PLCL1: variants seen among roughly 807,000 people sequenced by gnomAD.
PLCL1 encodes the protein phospholipase C like 1 (inactive).
PLCL1 carries 41 observed loss-of-function variants against 84.4 expected under a neutral mutation model. That is an observed-to-expected ratio of 0.49 (90% CI 0.38 to 0.63). The LOEUF is 0.63. Among genes scored for constraint, PLCL1 ranks in the 30% least tolerant of loss-of-function variants. The pLI is 0.00. For missense variants in PLCL1, 1,206 were observed against 1,367.8 expected, an observed-to-expected ratio of 0.88 and a Z score of 1.87; for synonymous variants, 490 against 488.3, an observed-to-expected ratio of 1.00 and a Z score of -0.05.
chr2:197,831,345 G>GA (rs201046689), intron 1 of PLCL1, among the ~76,000 whole-genome samples: 2 of 148,938 alleles, frequency 1.3e-5, no homozygotes, highest in East Asian at 2.0e-4. Flanking sequence ...AAATGGAAAG[G>GA]AAAAAAAAAG....
intron 1 of PLCL1, among the ~76,000 whole-genome samples, chr2:198,038,622 G>A (rs1691595272): frequency 6.6e-6 from 1 of 152,026 alleles, no homozygotes; most frequent in Non-Finnish European, 1.5e-5. Flanking sequence ...AGAATTTTTA[G>A]CATCTGTACT....
chr2:198,039,953 G>T (rs987178225), intron 1 of PLCL1, among the ~76,000 whole-genome samples: 1 of 152,306 alleles, frequency 6.6e-6, no homozygotes, highest in East Asian at 1.9e-4. Flanking sequence ...GCAAACATAT[G>T]TCTTAACCTA....
intron 1 of PLCL1, among the ~76,000 whole-genome samples, chr2:197,866,917 G>T (rs1687561177): frequency 6.6e-6 from 1 of 152,134 alleles, no homozygotes; most frequent in African/African-American, 2.4e-5. Flanking sequence ...ATCATCGTTT[G>T]GGAATTCTCA....
In PLCL1 at chr2:198,089,069, A is replaced by G. The variant is rs41270239; in HGVS notation, c.2919+8A>G. 6.2e-3 allele frequency: 9,949 copies of G among 1,606,608 alleles called. 30 individuals carry two copies. The highest frequency in any genetic ancestry group is 7.6e-3 in the Non-Finnish European group (8,894 of 1,173,274). ...CTGACTGCTTATGATCTGGTAGGAA[A>G]TTGCGACTCCATATTTTTTTACGTG... On this transcript the variant is annotated splice_region_variant and intron_variant, in intron 3 of 5. Coordinates refer to ENST00000428675, the MANE Select transcript of PLCL1 (RefSeq NM_006226.4).
chr2:197,939,685 G>A (rs1012451231), intron 1 of PLCL1, among the ~76,000 whole-genome samples: 4 of 140,912 alleles, frequency 2.8e-5, no homozygotes, highest in Non-Finnish European at 6.1e-5. Flanking sequence ...ACAGTCACAT[G>A]TTGAGGTACT....
chr2:198,059,407 C>T (rs916378615), intron 1 of PLCL1, among the ~76,000 whole-genome samples: 3 of 151,968 alleles, frequency 2.0e-5, no homozygotes, highest in Non-Finnish European at 4.4e-5. Flanking sequence ...TGTATAGTAC[C>T]AGTAAAGTTG....
Position 198,056,192 on chromosome 2 carries a change from A to G in PLCL1, c.241-27566A>G, listed in dbSNP as rs187389252. 2.1e-3 allele frequency among the ~76,000 whole-genome samples: 316 copies of G among 152,338 alleles called. 1 individual carries two copies. The highest frequency in any genetic ancestry group is 7.1e-3 in the African/African-American group (297 of 41,586). The stretch of plus-strand genomic sequence containing the variant: ...CTGTCTTCATGTTGTTTATCACACT[A>G]TTAATTACCTGCTAATTAAAAACAA... On this transcript the variant is annotated intron_variant, in intron 1 of 5. Transcript: ENST00000428675.
intron 1 of PLCL1, among the ~76,000 whole-genome samples, chr2:197,890,897 A>G (rs1688014465): frequency 6.8e-6 from 1 of 146,324 alleles, no homozygotes; most frequent in African/African-American, 2.6e-5. Context: ...GCACGCATAT[A>G]TATGTGTATC....
intron 1 of PLCL1, among the ~76,000 whole-genome samples, chr2:197,865,192 C>T (rs940641717): frequency 6.6e-6 from 1 of 152,104 alleles, no homozygotes; most frequent in African/African-American, 2.4e-5. Context: ...AAGTGCTTTG[C>T]TGGGAGATCT....
chr2:197,989,961 G>T (rs1415055401), intron 1 of PLCL1, among the ~76,000 whole-genome samples: 1 of 152,124 alleles, frequency 6.6e-6, no homozygotes, highest in Admixed American at 6.6e-5. Flanking sequence ...AGTGCCTACT[G>T]GTAATAGATT....
chr2:198,110,068 TACTTGTTG>T (rs1168496991), intron 5 of PLCL1, among the ~76,000 whole-genome samples: 9 of 151,798 alleles, frequency 5.9e-5, no homozygotes, highest in Non-Finnish European at 8.8e-5. Flanking sequence ...TTTCATTGAT[TACTTGTTG>T]AATAACAGGC....
chr2:197,918,502 A>G (rs954560686), intron 1 of PLCL1, among the ~76,000 whole-genome samples: 8 of 152,212 alleles, frequency 5.3e-5, no homozygotes, highest in African/African-American at 1.9e-4. Context: ...TAAATAGGAG[A>G]AACGGAGTAT....
intron 3 of PLCL1, among the ~76,000 whole-genome samples, chr2:198,093,920 T>C (rs1693119177): frequency 6.6e-6 from 1 of 152,064 alleles, no homozygotes; most frequent in Admixed American, 6.5e-5. Flanking sequence ...ACAGATTTTT[T>C]CCCCTAAATT....
chr2:197,918,971 T>TCTCTCTCACA (rs373512508), intron 1 of PLCL1, among the ~76,000 whole-genome samples: 43 of 144,654 alleles, frequency 3.0e-4, no homozygotes, highest in Admixed American at 1.1e-3. Flanking sequence ...TCTCTCTCCC[T>TCTCTCTCACA]CACACACACA....
At chr2:197,827,966 T>TC (rs1422585498) in intron 1 of PLCL1, among the ~76,000 whole-genome samples, 1 of 151,988 alleles carries the variant, frequency 6.6e-6, no homozygotes, top group Non-Finnish European at 1.5e-5. Context: ...AAATATGTTT[T>TC]TTATAAGACA....
intron 1 of PLCL1, among the ~76,000 whole-genome samples, chr2:197,975,276 G>A (rs76877032): frequency 0.24 from 27,464 of 115,054 alleles, 2,584 homozygotes; most frequent in Middle Eastern, 0.43. Flanking sequence ...CTGCAAGGTA[G>A]GTATTTTTAT....
In PLCL1 at chr2:197,909,013, G is replaced by A. The variant is rs191322776; in HGVS notation, c.240+103674G>A. ...GAGGAGTCACTCAAGGACCAAACAC[G>A]AGACTCATGCTATTTCTCTTGCAGA... On this transcript the variant is annotated intron_variant, in intron 1 of 5. Coordinates refer to ENST00000428675, the MANE Select transcript of PLCL1 (RefSeq NM_006226.4). Among the ~76,000 whole-genome samples the A allele has an allele frequency of 1.8e-3, 271 of 152,280 alleles. 1 individual carries two copies. The highest frequency in any genetic ancestry group is 5.9e-3 in the African/African-American group (246 of 41,564).
intron 1 of PLCL1, among the ~76,000 whole-genome samples, chr2:197,994,982 A>AT (rs1559068086): frequency 6.6e-6 from 1 of 152,206 alleles, no homozygotes; most frequent in African/African-American, 2.4e-5. Flanking sequence ...GTCATTTCTC[A>AT]AAGCCTTTCT....
chr2:197,931,170 G>A (rs1353828710), intron 1 of PLCL1, among the ~76,000 whole-genome samples: 1 of 152,144 alleles, frequency 6.6e-6, no homozygotes, highest in Non-Finnish European at 1.5e-5. Flanking sequence ...GTCTCGGAAG[G>A]GAAGATAGAG....
Sources: gnomAD v4.1 joint callset for allele counts (sites outside exome capture counted in the v4.1 genomes callset) on GRCh38, gnomAD v4.1.1 for gene constraint, MANE v1.5 for transcripts, NCBI Gene and HGNC (gene_info 2026-07-23, HGNC 2026-07-21) for gene names.